STAC: variants seen among roughly 807,000 people sequenced by gnomAD.
STAC encodes SH3 and cysteine-rich domain-containing protein.
In STAC, 43 loss-of-function variants were observed where a neutral mutation model predicts 48.8. That is an observed-to-expected ratio of 0.88 (90% CI 0.69 to 1.14). The LOEUF (loss-of-function observed/expected upper bound fraction) is 1.14, where lower values mean the gene tolerates loss of function less well. Among genes scored for constraint, STAC ranks in the 50% most tolerant of loss-of-function variants. The pLI is 0.00. For missense variants in STAC, 497 were observed against 504.0 expected, an observed-to-expected ratio of 0.99 and a Z score of 0.13; for synonymous variants, 193 against 179.5, an observed-to-expected ratio of 1.07 and a Z score of -0.60.
chr3:36,438,743 G>A (rs151184791), intron 1 of STAC, among the ~76,000 whole-genome samples: 2 of 152,218 alleles, frequency 1.3e-5, no homozygotes, highest in East Asian at 3.9e-4. Context: ...TAAACTTCCA[G>A]GGAACACAGA....
At chr3:36,410,861 G>T (rs971053728) in intron 1 of STAC, among the ~76,000 whole-genome samples, 5 of 152,080 alleles carry the variant, frequency 3.3e-5, no homozygotes, top group Non-Finnish European at 7.4e-5. Context: ...TTGCCATCTG[G>T]CCTCTGGCTC....
At chr3:36,400,226 G>C (rs944284501) in intron 1 of STAC, among the ~76,000 whole-genome samples, 2 of 152,172 alleles carry the variant, frequency 1.3e-5, no homozygotes, top group Admixed American at 1.3e-4. Flanking sequence ...ATAGATAATA[G>C]AGAGATAAAT....
rs1305117347 is a variant in STAC, at chr3:36,529,091, T to C, written c.1110+106T>C. On this transcript the variant is annotated intron_variant, in intron 10 of 10. Coordinates refer to ENST00000273183, the MANE Select transcript of STAC (RefSeq NM_003149.3). ...TGAATGAGTGGGGTCACATTCAAAGTATTCACTTTGAGAAAAGATATACTT... is the reference window on the plus strand; with the variant it reads ...TGAATGAGTGGGGTCACATTCAAAGCATTCACTTTGAGAAAAGATATACTT... The C allele has an allele frequency of 5.1e-6, 6 of 1,168,162 alleles. No homozygotes were observed. The South Asian group carries it at 1.4e-4, about 27-fold the overall frequency. 72.4% of individuals were successfully genotyped at this position (1,168,162 alleles called of 1,614,324 possible).
chr3:36,398,915 T>C (rs1332206277), intron 1 of STAC, among the ~76,000 whole-genome samples: 1 of 152,172 alleles, frequency 6.6e-6, no homozygotes, highest in Non-Finnish European at 1.5e-5. Context: ...TTCAGAAGCA[T>C]ATAATTCATG....
At chr3:36,528,325 T>A (rs2125731815) in intron 8 of STAC, among the ~76,000 whole-genome samples, 1 of 152,120 alleles carries the variant, frequency 6.6e-6, no homozygotes, top group South Asian at 2.1e-4. Flanking sequence ...AAAAATGATC[T>A]GGGCATGGTG....
At chr3:36,399,292 T>C (rs1699952771) in intron 1 of STAC, among the ~76,000 whole-genome samples, 2 of 152,360 alleles carry the variant, frequency 1.3e-5, no homozygotes, top group South Asian at 4.1e-4. Context: ...AGTGGGTTCC[T>C]GTCTGTGCCT....
intron 1 of STAC, among the ~76,000 whole-genome samples, chr3:36,423,256 G>A (rs1182511190): frequency 6.6e-6 from 1 of 151,928 alleles, no homozygotes; most frequent in Admixed American, 6.6e-5. Context: ...ACACAGTCTT[G>A]TTTCTGCCTT....
intron 6 of STAC, 143 bp downstream of exon 6, chr3:36,493,372 G>T: frequency 1.4e-6 from 1 of 690,320 alleles, no homozygotes. Context: ...TGGAGAGAAT[G>T]TGAGCATTGT....
intron 1 of STAC, among the ~76,000 whole-genome samples, chr3:36,419,282 G>A (rs547717527): frequency 8.5e-5 from 13 of 152,082 alleles, no homozygotes; most frequent in African/African-American, 3.1e-4. Context: ...TGTTCTTTAG[G>A]AGTTATTTTG....
intron 2 of STAC, among the ~76,000 whole-genome samples, chr3:36,457,006 A>G (rs73065798): frequency 0.14 from 20,692 of 152,192 alleles, 1,606 homozygotes; most frequent in African/African-American, 0.21. Flanking sequence ...TCTCAAGAAT[A>G]TTTGCACTAC....
At chr3:36,469,915 GT>G (rs1312329953) in intron 2 of STAC, among the ~76,000 whole-genome samples, 1 of 152,122 alleles carries the variant, frequency 6.6e-6, no homozygotes, top group Non-Finnish European at 1.5e-5. Flanking sequence ...ATTTTCAGAA[GT>G]TGTGATTGTT....
chr3:36,449,541 G>A (rs1696623487), intron 2 of STAC, among the ~76,000 whole-genome samples: 1 of 152,104 alleles, frequency 6.6e-6, no homozygotes, highest in African/African-American at 2.4e-5. Flanking sequence ...CTTGTACACA[G>A]CACCTTTCAA....
chr3:36,426,565 G>A (rs543676258), intron 1 of STAC, among the ~76,000 whole-genome samples: 1 of 152,178 alleles, frequency 6.6e-6, no homozygotes, highest in South Asian at 2.1e-4. Context: ...GTCTTAATCT[G>A]TTAGCTACTT....
intron 1 of STAC, among the ~76,000 whole-genome samples, chr3:36,412,299 T>C (rs996539536): frequency 6.6e-5 from 10 of 152,222 alleles, no homozygotes; most frequent in Non-Finnish European, 1.3e-4. Context: ...GACAATCATG[T>C]TCTCTCTTTT....
At chr3:36,513,040 C>T (rs991996227) in intron 8 of STAC, among the ~76,000 whole-genome samples, 4 of 152,106 alleles carry the variant, frequency 2.6e-5, no homozygotes, top group Admixed American at 6.6e-5. Context: ...GGAAAGAGAA[C>T]AAGGGAGTGA....
At chr3:36,466,300 T>C (rs1267356061) in intron 2 of STAC, among the ~76,000 whole-genome samples, 3 of 152,230 alleles carry the variant, frequency 2.0e-5, no homozygotes, top group South Asian at 2.1e-4. Flanking sequence ...TTGGTGACTA[T>C]GGCTTTATAG....
chr3:36,541,424 GT>G (rs1211123043), intron 10 of STAC, among the ~76,000 whole-genome samples: 2 of 152,184 alleles, frequency 1.3e-5, no homozygotes, highest in African/African-American at 4.8e-5. Context: ...TTGCCTCAAG[GT>G]TTTAGTTATC....
intron 3 of STAC, among the ~76,000 whole-genome samples, chr3:36,483,505 A>G (rs1310953660): frequency 6.6e-6 from 1 of 152,192 alleles, no homozygotes; most frequent in Non-Finnish European, 1.5e-5. Flanking sequence ...AAGAGAGGAC[A>G]AGAGCTAAGC....
intron 10 of STAC, among the ~76,000 whole-genome samples, chr3:36,530,050 G>A (rs1462667369): frequency 1.3e-5 from 2 of 152,190 alleles, no homozygotes; most frequent in African/African-American, 2.4e-5. Context: ...AACCAGGGAG[G>A]TGGAGGCTGC....
Sources: gnomAD v4.1 joint callset for allele counts (sites outside exome capture counted in the v4.1 genomes callset) on GRCh38, gnomAD v4.1.1 for gene constraint, MANE v1.5 for transcripts, NCBI Gene and HGNC (gene_info 2026-07-23, HGNC 2026-07-21) for gene names.